Variants in RUNDC3B observed in about 807,000 individuals in gnomAD.
The protein encoded by RUNDC3B is RUN domain-containing protein 3B.
RUNDC3B carries 33 observed loss-of-function variants against 58.4 expected under a neutral mutation model. The observed-to-expected ratio is 0.56, with a 90% CI of 0.43 to 0.75. The LOEUF is 0.75. Ranked by LOEUF, RUNDC3B falls within the 30% of genes least tolerant of loss-of-function variation. RUNDC3B has a pLI of 0.00. For synonymous variants in RUNDC3B, 193 were observed against 195.2 expected, an observed-to-expected ratio of 0.99 and a Z score of 0.10; for missense variants, 501 against 535.7, an observed-to-expected ratio of 0.94 and a Z score of 0.64.
Position 87,770,678 on chromosome 7 carries a change from A to G in RUNDC3B, c.727A>G (p.Met243Val). ...AGAGAATGTCGGACCTCCTTTCCTCATGGATGAGAACAGTTGGTTCAACAA... is the reference window on the plus strand; with the variant it reads ...AGAGAATGTCGGACCTCCTTTCCTCGTGGATGAGAACAGTTGGTTCAACAA... ...TPENVGPPFL[M>V]DENSWFNKCK... The change falls in exon 7 of 11, where the codon ATG (methionine) becomes GTG (valine). Residue 243 changes from methionine to valine, a missense_variant. Transcript: ENST00000394654. 7 of 1,613,552 alleles carry G rather than the reference A, an allele frequency of 4.3e-6. No homozygotes were observed. The highest frequency in any genetic ancestry group is 5.9e-6 in the Non-Finnish European group (7 of 1,179,452).
intron 10 of RUNDC3B, among the ~76,000 whole-genome samples, chr7:87,821,006 T>C (rs1584286213): frequency 1.3e-5 from 2 of 149,164 alleles, no homozygotes; most frequent in East Asian, 2.0e-4. Flanking sequence ...CTCTCACCAC[T>C]CCTATTCAAC....
chr7:87,726,025 C>G (rs1012067752), intron 4 of RUNDC3B, among the ~76,000 whole-genome samples: 23 of 152,026 alleles, frequency 1.5e-4, no homozygotes, highest in African/African-American at 5.3e-4. Flanking sequence ...CAAAAATGTT[C>G]TCCCATTCTG....
At chr7:87,629,072 A>G (rs1820924376) in intron 1 of RUNDC3B, 127 bp downstream of exon 1, 1 of 948,898 alleles carries the variant, frequency 1.1e-6, no homozygotes, top group Admixed American at 4.3e-5. Flanking sequence ...ATGTTGCGCC[A>G]GCCAAATCTG....
chr7:87,692,697 GAT>G (rs1828125876), intron 2 of RUNDC3B, among the ~76,000 whole-genome samples: 2 of 152,134 alleles, frequency 1.3e-5, no homozygotes, highest in South Asian at 2.1e-4. Flanking sequence ...TTAGGACAGA[GAT>G]AGTAAATGTG....
intron 8 of RUNDC3B, among the ~76,000 whole-genome samples, chr7:87,803,828 C>T (rs1485976576): frequency 6.6e-6 from 1 of 152,008 alleles, no homozygotes; most frequent in African/African-American, 2.4e-5. Context: ...TAGTTTAAAA[C>T]TTTACTTTTT....
intron 7 of RUNDC3B, among the ~76,000 whole-genome samples, chr7:87,775,266 G>A (rs150912924): frequency 6.6e-6 from 1 of 152,212 alleles, no homozygotes; most frequent in African/African-American, 2.4e-5. Flanking sequence ...GCTAATGTGT[G>A]TGTTTGTGAC....
rs564057951 is a variant in RUNDC3B, at chr7:87,823,526, A to G, written c.1226-6359A>G. Among the ~76,000 whole-genome samples the G allele has an allele frequency of 3.0e-4, 45 of 152,068 alleles. 1 individual carries two copies. In the South Asian group the frequency reaches 9.3e-3, roughly 32 times the overall value. ...ATTTTGGTGCACCCATCACCTGAGCAGTATACACTGCACCCAACTGTAGTC... is the reference window on the plus strand; with the variant it reads ...ATTTTGGTGCACCCATCACCTGAGCGGTATACACTGCACCCAACTGTAGTC... On this transcript the variant is annotated intron_variant, in intron 10 of 10. Coordinates refer to ENST00000394654, the MANE Select transcript of RUNDC3B (RefSeq NM_001134405.2).
chr7:87,728,357 C>T (rs966903698), intron 4 of RUNDC3B, among the ~76,000 whole-genome samples: 1 of 152,174 alleles, frequency 6.6e-6, no homozygotes, highest in Admixed American at 6.6e-5. Flanking sequence ...ATGTCTTTCT[C>T]CATCTGTGTT....
At chr7:87,714,933 G>A (rs1404670803) in intron 4 of RUNDC3B, among the ~76,000 whole-genome samples, 1 of 152,004 alleles carries the variant, frequency 6.6e-6, no homozygotes, top group Non-Finnish European at 1.5e-5. Flanking sequence ...GTCACGCGCT[G>A]TTGGCTCATT....
chr7:87,743,595 T>G (rs970214824), intron 6 of RUNDC3B, among the ~76,000 whole-genome samples: 2 of 152,224 alleles, frequency 1.3e-5, no homozygotes, highest in Non-Finnish European at 2.9e-5. Flanking sequence ...ATATGTTTGT[T>G]GCCATTTGTA....
intron 8 of RUNDC3B, among the ~76,000 whole-genome samples, chr7:87,798,579 T>G (rs1281062345): frequency 2.0e-5 from 3 of 152,340 alleles, no homozygotes; most frequent in East Asian, 1.9e-4. Context: ...GCACAAGATA[T>G]CTCAAGCTCA....
At chr7:87,683,962 C>T (rs1827193098) in intron 2 of RUNDC3B, among the ~76,000 whole-genome samples, 1 of 152,116 alleles carries the variant, frequency 6.6e-6, no homozygotes, top group Non-Finnish European at 1.5e-5. Flanking sequence ...ATTGACAGAT[C>T]AAACTGGAAT....
chr7:87,789,200 GT>G (rs1835396362), intron 8 of RUNDC3B, among the ~76,000 whole-genome samples: 1 of 152,030 alleles, frequency 6.6e-6, no homozygotes, highest in African/African-American at 2.4e-5. Context: ...ACCAATAATT[GT>G]TTTCTATTTT....
chr7:87,725,195 C>T (rs1169501260), intron 4 of RUNDC3B, among the ~76,000 whole-genome samples: 1 of 152,142 alleles, frequency 6.6e-6, no homozygotes, highest in Non-Finnish European at 1.5e-5. Context: ...CACCCATTAA[C>T]TTGTCATTTA....
At chr7:87,646,747 G>T (rs1333580229) in intron 1 of RUNDC3B, among the ~76,000 whole-genome samples, 1 of 142,674 alleles carries the variant, frequency 7.0e-6, no homozygotes. Context: ...CCAGGGATTG[G>T]CAGCATTATT....
intron 2 of RUNDC3B, among the ~76,000 whole-genome samples, chr7:87,652,610 T>C (rs192827855): frequency 6.1e-4 from 75 of 123,704 alleles, no homozygotes; most frequent in African/African-American, 3.0e-3. Context: ...CAGTTGACTC[T>C]TGTGGTCACT....
chr7:87,716,524 G>A (rs527666045), intron 4 of RUNDC3B, among the ~76,000 whole-genome samples: 10 of 152,216 alleles, frequency 6.6e-5, no homozygotes, highest in African/African-American at 2.4e-4. Context: ...TGGGCAATGT[G>A]CTATACACAA....
intron 9 of RUNDC3B, among the ~76,000 whole-genome samples, chr7:87,812,134 T>C (rs947250895): frequency 2.0e-5 from 3 of 152,208 alleles, no homozygotes; most frequent in Non-Finnish European, 4.4e-5. Context: ...TATAAGATTG[T>C]AGAAAATTAA....
chr7:87,774,942 C>G (rs947979346), intron 7 of RUNDC3B, among the ~76,000 whole-genome samples: 1 of 152,162 alleles, frequency 6.6e-6, no homozygotes, highest in African/African-American at 2.4e-5. Flanking sequence ...TCATTTAAAA[C>G]TAGCATATAC....
Sources: allele counts gnomAD v4.1 joint callset (sites outside exome capture counted in the v4.1 genomes callset), GRCh38; gene constraint gnomAD v4.1.1; transcripts MANE v1.5; gene names NCBI Gene and HGNC (gene_info 2026-07-23, HGNC 2026-07-21).